Variants in BBX observed in about 807,000 individuals in gnomAD.
BBX encodes the protein HMG box transcription factor BBX.
BBX carries 30 observed loss-of-function variants against 100.2 expected under a neutral mutation model. The observed-to-expected ratio is 0.30, with a 90% CI of 0.22 to 0.41. The LOEUF (loss-of-function observed/expected upper bound fraction) is 0.41. Ranked by LOEUF, BBX falls within the 10% of genes least tolerant of loss-of-function variation. BBX has a pLI of 1.00. For missense variants in BBX, 1,023 were observed against 1,129.8 expected (o/e 0.91, Z 1.35); for synonymous variants, 376 against 388.1 (o/e 0.97, Z 0.37).
At chr3:107,609,388 T>C (rs764592073) in intron 2 of BBX, among the ~76,000 whole-genome samples, 2 of 152,154 alleles carry the variant, frequency 1.3e-5, no homozygotes, top group East Asian at 1.9e-4. Flanking sequence ...ATCAGGGTAA[T>C]ACTGGCCTTG....
At position 107,797,603 on chromosome 3, in the gene BBX, G is replaced by C. The variant is rs573971655; in HGVS notation, c.2354-920G>C. Among the ~76,000 whole-genome samples, 7 of 151,848 alleles carry C rather than the reference G, an allele frequency of 4.6e-5. No homozygotes were observed. The South Asian group carries it at 1.5e-3, about 32-fold the overall frequency. Reference sequence around the variant, plus strand: ...GTCCCAATCATAAAACTCAACTATGGTATACCCCTAAACACTTACTAAACT... The same window carrying C: ...GTCCCAATCATAAAACTCAACTATGCTATACCCCTAAACACTTACTAAACT... On this transcript the variant is annotated intron_variant, in intron 15 of 17. Transcript: ENST00000325805.
At chr3:107,718,763 A>G (rs1423655216) in intron 5 of BBX, among the ~76,000 whole-genome samples, 3 of 152,092 alleles carry the variant, frequency 2.0e-5, no homozygotes, top group South Asian at 2.1e-4. Flanking sequence ...ATATTTGCCA[A>G]TGTGGCACTA....
intron 2 of BBX, among the ~76,000 whole-genome samples, chr3:107,613,752 A>G (rs1459609672): frequency 1.3e-5 from 2 of 152,096 alleles, no homozygotes; most frequent in African/African-American, 4.8e-5. Context: ...CAAAATTATT[A>G]TTCAGAGATT....
chr3:107,616,540 C>G (rs1294304045), intron 2 of BBX, among the ~76,000 whole-genome samples: 2 of 152,104 alleles, frequency 1.3e-5, no homozygotes, highest in African/African-American at 4.8e-5. Flanking sequence ...TCCTCAACAG[C>G]ATTTTTGGTG....
At chr3:107,802,077 G>T (rs745709550) in intron 17 of BBX, among the ~76,000 whole-genome samples, 7 of 152,180 alleles carry the variant, frequency 4.6e-5, no homozygotes, top group South Asian at 2.1e-4. Context: ...CTACTTAATG[G>T]ATCCTTTGGG....
chr3:107,632,721 A>G (rs952788696), intron 2 of BBX, among the ~76,000 whole-genome samples: 1 of 152,240 alleles, frequency 6.6e-6, no homozygotes, highest in Non-Finnish European at 1.5e-5. Context: ...TAATTCTACA[A>G]AGATATTAAC....
At chr3:107,544,851 A>AAG (rs1251703308) in intron 2 of BBX, among the ~76,000 whole-genome samples, 2 of 150,812 alleles carry the variant, frequency 1.3e-5, no homozygotes, top group African/African-American at 4.9e-5. Context: ...TAAAAAAAAA[A>AAG]AAAAAAAAGA....
At chr3:107,718,817 G>T (rs961636652) in intron 5 of BBX, among the ~76,000 whole-genome samples, 1 of 152,080 alleles carries the variant, frequency 6.6e-6, no homozygotes, top group African/African-American at 2.4e-5. Flanking sequence ...TAAGTGTGGA[G>T]ACTATAACTG....
chr3:107,727,597 T>G (rs2063047397), intron 5 of BBX, among the ~76,000 whole-genome samples: 1 of 152,184 alleles, frequency 6.6e-6, no homozygotes, highest in Admixed American at 6.6e-5. Flanking sequence ...TCAGAAACTT[T>G]GAGTTAAGAT....
In BBX at chr3:107,672,748, T is replaced by G. The variant is rs528065340; in HGVS notation, c.-10+26839T>G. On this transcript the variant is annotated intron_variant, in intron 3 of 17. Coordinates refer to ENST00000325805, the MANE Select transcript of BBX (RefSeq NM_001142568.3). The stretch of plus-strand genomic sequence containing the variant: ...GTTTTTAAAGGGCCTGGCACAGCTG[T>G]GGGTGCTCACTACATTCACTTTGAA... Among the ~76,000 whole-genome samples the G allele has an allele frequency of 1.1e-4, 17 of 152,192 alleles. No individual in the cohort carries two copies. In the South Asian group the frequency reaches 3.5e-3, roughly 31 times the overall value.
chr3:107,605,850 C>A (rs2054396511), intron 2 of BBX, among the ~76,000 whole-genome samples: 1 of 152,166 alleles, frequency 6.6e-6, no homozygotes, highest in Non-Finnish European at 1.5e-5. Flanking sequence ...TACCTGGATG[C>A]TGAGCAGCTT....
intron 10 of BBX, among the ~76,000 whole-genome samples, chr3:107,764,954 G>A (rs2066258532): frequency 6.6e-6 from 1 of 152,154 alleles, no homozygotes; most frequent in African/African-American, 2.4e-5. Flanking sequence ...GGATCTACTT[G>A]TACCCCAAAG....
intron 3 of BBX, among the ~76,000 whole-genome samples, chr3:107,701,999 G>A (rs941261687): frequency 6.6e-5 from 10 of 152,280 alleles, no homozygotes; most frequent in East Asian, 1.9e-4. Flanking sequence ...AATGGGCACG[G>A]TGGGATTGAC....
intron 7 of BBX, among the ~76,000 whole-genome samples, chr3:107,734,696 T>C (rs1024172875): frequency 6.6e-6 from 1 of 152,206 alleles, no homozygotes; most frequent in Non-Finnish European, 1.5e-5. Flanking sequence ...CAAGTACAAA[T>C]GTAAACAAAT....
chr3:107,564,445 T>C (rs2050727245), intron 2 of BBX, among the ~76,000 whole-genome samples: 1 of 152,188 alleles, frequency 6.6e-6, no homozygotes, highest in South Asian at 2.1e-4. Flanking sequence ...TTTTGAACTA[T>C]AAGAAACTCT....
Position 107,755,607 on chromosome 3 carries a change from A to G in BBX, c.835A>G (p.Asn279Asp), listed in dbSNP as rs138605547. The G allele has an allele frequency of 1.2e-6, 2 of 1,613,644 alleles. No individual in the cohort carries two copies. The highest frequency in any genetic ancestry group is 8.5e-7 in the Non-Finnish European group (1 of 1,179,738). Reference sequence around the variant, plus strand: ...ATTGTCTTTAATATAGATTTCTTCAAACACTTCGCAGTTGGGTGGTGCTGA... The same window carrying G: ...ATTGTCTTTAATATAGATTTCTTCAGACACTTCGCAGTTGGGTGGTGCTGA... ...ALFQFAEISS[N>D]TSQLGGAEPV... The change falls in exon 10 of 18, where the codon AAC (asparagine) becomes GAC (aspartate). Residue 279 changes from asparagine to aspartate, a missense_variant. By Grantham distance (23) the Asn-to-Asp change is conservative. Transcript: ENST00000325805.
At chr3:107,609,717 T>C (rs1351689079) in intron 2 of BBX, among the ~76,000 whole-genome samples, 2 of 152,096 alleles carry the variant, frequency 1.3e-5, no homozygotes, top group Non-Finnish European at 2.9e-5. Flanking sequence ...TCTGCGGTGT[T>C]GGTTGTAATG....
intron 2 of BBX, among the ~76,000 whole-genome samples, chr3:107,574,877 A>T (rs2051655782): frequency 6.6e-6 from 1 of 152,206 alleles, no homozygotes; most frequent in Admixed American, 6.5e-5. Context: ...GGGTTAGTGA[A>T]GTGGTACAAC....
intron 2 of BBX, among the ~76,000 whole-genome samples, chr3:107,587,677 G>A (rs1426631420): frequency 1.3e-5 from 2 of 152,248 alleles, no homozygotes; most frequent in Admixed American, 1.3e-4. Flanking sequence ...CAGGAGATGC[G>A]GGCCCCAACT....
Sources: gnomAD v4.1 joint callset for allele counts (sites outside exome capture counted in the v4.1 genomes callset) on GRCh38, gnomAD v4.1.1 for gene constraint, MANE v1.5 for transcripts, NCBI Gene and HGNC (gene_info 2026-07-23, HGNC 2026-07-21) for gene names.